RAPGEF3: variants seen among roughly 807,000 people sequenced by gnomAD.
RAPGEF3 encodes the protein Rap guanine nucleotide exchange factor 3.
In RAPGEF3, 103 loss-of-function variants were observed where a neutral mutation model predicts 129.8. That is an observed-to-expected ratio of 0.79 (90% confidence interval 0.68 to 0.93). The LOEUF (loss-of-function observed/expected upper bound fraction) is 0.93, where lower values mean the gene tolerates loss of function less well. Among genes scored for constraint, RAPGEF3 ranks in the 40% least tolerant of loss-of-function variants. The pLI, the probability that RAPGEF3 is intolerant of heterozygous loss-of-function variation, is 0.00. For synonymous variants in RAPGEF3, 436 were observed against 482.6 expected, an observed-to-expected ratio of 0.90 and a Z score of 1.26; for missense variants, 1,117 against 1,207.4, an observed-to-expected ratio of 0.93 and a Z score of 1.11.
rs199787084 is a variant in RAPGEF3 at position 47,751,461 on chromosome 12, T to G, written c.440A>C (p.His147Pro). 1.3e-5 allele frequency: 21 copies of G among 1,614,176 alleles called. No homozygotes were observed. The Admixed American group carries it at 2.3e-4, about 18-fold the overall frequency. Residue 147 changes from histidine (H) to proline (P), a missense_variant, in exon 5 of 28, where the codon CAT becomes CCT. Transcript: ENST00000449771. ...DGILALGLGV[H>P]SRSQVVGICQ... ...GATTCCCACAACTTGGCTCCGGGAA[T>G]GGACCCCAAGTCCCAGGGCCAAGAT...
chr12:47,739,696 C>T (rs1941025074), intron 23 of RAPGEF3: 1 of 365,852 alleles, frequency 2.7e-6, no homozygotes, highest in South Asian at 2.6e-5. Flanking sequence ...AGGTTCCACC[C>T]CCAACTCTAT....
At position 47,739,125 on chromosome 12, in the gene RAPGEF3, G is replaced by A. The variant is rs777287670; in HGVS notation, c.2461+18C>T. ...AGGAAGGGGGGAATGGAGGGATGGA[G>A]GCAGGAAGCCCTGTTACCTTTGAGA... On this transcript the variant is annotated intron_variant, in intron 24 of 27. Coordinates refer to ENST00000449771, the MANE Select transcript of RAPGEF3 (RefSeq NM_001098531.4). 13 of 1,559,882 alleles carry A rather than the reference G, an allele frequency of 8.3e-6. No individual in the cohort carries two copies. The South Asian group carries it at 1.1e-4, about 14-fold the overall frequency.
Position 47,748,446 on chromosome 12 carries a change from G to T in RAPGEF3, c.1243+8C>A. The stretch of plus-strand genomic sequence containing the variant: ...TCAGAAAGCAGGCAGGGTGTCTCTT[G>T]CCCTTACCTGTTGGGTCATGAGCAC... On this transcript the variant is annotated splice_region_variant and intron_variant, in intron 12 of 27. Transcript: ENST00000449771. 1.2e-6 allele frequency: 2 copies of T among 1,610,898 alleles called. No homozygotes were observed. The highest frequency in any genetic ancestry group is 1.7e-5 in the Admixed American group (1 of 59,968).
intron 19 of RAPGEF3, 141 bp from the exon 20 acceptor site, chr12:47,741,181 T>G: frequency 1.0e-5 from 11 of 1,071,094 alleles, no homozygotes; most frequent in Non-Finnish European, 1.5e-5. Context: ...AGAGGGTCTC[T>G]AGGGGCTATA....
Position 47,740,249 on chromosome 12 carries a change from C to T in RAPGEF3, c.2322+56G>A, listed in dbSNP as rs1941065428. On this transcript the variant is annotated intron_variant, in intron 22 of 27. Transcript: ENST00000449771. ...GGGGGAGGCCCAGCCCCATCCAGCA[C>T]TCCCAGGAGGGCCTGAGGCCTGACC... The T allele has an allele frequency of 2.5e-6, 4 of 1,612,146 alleles. No homozygotes were observed. The Admixed American group carries it at 6.7e-5, about 27-fold the overall frequency.
chr12:47,750,960 G>T, intron 6 of RAPGEF3, 88 bp downstream of exon 6: 1 of 1,524,596 alleles, frequency 6.6e-7, no homozygotes, highest in East Asian at 2.4e-5. Context: ...AACAGGTAAG[G>T]GATGCCCCCA....
At chr12:47,743,784 G>A (rs955426039) in intron 17 of RAPGEF3, 108 bp from the exon 18 acceptor site, 1 of 1,478,520 alleles carries the variant, frequency 6.8e-7, no homozygotes, top group Non-Finnish European at 9.2e-7. Context: ...AAGAGGCTGA[G>A]CTGCAGGTGG....
rs1385439198 is a variant in RAPGEF3 at position 47,747,750 on chromosome 12, T to C, written c.1435A>G (p.Met479Val). Residue 479 changes from methionine (M) to valine (V), a missense_variant, in exon 14 of 28, where the codon ATG becomes GTG. Physicochemically the swap from Met to Val is conservative, Grantham distance 21. Transcript: ENST00000449771. ...GTGGCCACAGGGTCAGTGTGGAGCATGGAGCCATACAGGGCCACCCACTGG... is the reference window on the plus strand; with the variant it reads ...GTGGCCACAGGGTCAGTGTGGAGCACGGAGCCATACAGGGCCACCCACTGG... ...VSQWVALYGSMLHTDPVATSF... is the reference protein window; with the variant it reads ...VSQWVALYGSVLHTDPVATSF... The C allele has an allele frequency of 1.2e-6, 2 of 1,609,658 alleles. No homozygotes were observed. Among genetic ancestry groups the C allele is most frequent in the Non-Finnish European group, 1.7e-6 (2 of 1,179,990 alleles).
intron 18 of RAPGEF3, among the ~76,000 whole-genome samples, chr12:47,742,716 C>G (rs146564206): frequency 6.6e-6 from 1 of 152,220 alleles, no homozygotes; most frequent in Non-Finnish European, 1.5e-5. Context: ...GATACAATTA[C>G]AGTCCTCATC....
At chr12:47,740,425 G>A (rs773182865) in intron 21 of RAPGEF3, 30 bp from the exon 22 acceptor site, 2 of 1,606,420 alleles carry the variant, frequency 1.2e-6, no homozygotes, top group Non-Finnish European at 1.7e-6. Context: ...AGACCCTCAG[G>A]GTAAGGGAAG....
chr12:47,751,589 GA>G, intron 4 of RAPGEF3, 69 bp from the exon 5 acceptor site: 2 of 1,605,840 alleles, frequency 1.2e-6, no homozygotes, highest in Non-Finnish European at 1.7e-6. Context: ...CTATGCATTA[GA>G]AAGGCACCCT....
Position 47,753,047 on chromosome 12 carries a change from G to A in RAPGEF3, c.220-1078C>T, listed in dbSNP as rs1046351652. On this transcript the variant is annotated intron_variant, in intron 2 of 27. Coordinates refer to ENST00000449771, the MANE Select transcript of RAPGEF3 (RefSeq NM_001098531.4). ...CTGGACAGGATGCTCTACCATCTACGAGCCCTCTCAAAGGGCTCACTTTAC... is the reference window on the plus strand; with the variant it reads ...CTGGACAGGATGCTCTACCATCTACAAGCCCTCTCAAAGGGCTCACTTTAC... 2.6e-5 allele frequency among the ~76,000 whole-genome samples: 4 copies of A among 152,110 alleles called. No individual in the cohort carries two copies. The South Asian group carries it at 6.2e-4, about 24-fold the overall frequency.
At position 47,740,190 on chromosome 12, in the gene RAPGEF3, C is replaced by A; in HGVS notation, c.2324G>T (p.Arg775Leu). 6.2e-7 allele frequency: 1 copy of A among 1,613,776 alleles called. No individual in the cohort carries two copies. The highest frequency in any genetic ancestry group is 8.5e-7 in the Non-Finnish European group (1 of 1,179,936). ...CAGCTTCCGGACTTTGTGAGGCAGC[C>A]GCTGTGAAAAGGAGGCAGATGAGCG... ...AISRLAHTWERLPHKVRKLYS... is the reference protein window; with the variant it reads ...AISRLAHTWELLPHKVRKLYS... The change falls in exon 23 of 28, where the codon CGG (arginine) becomes CTG (leucine). Residue 775 changes from arginine (R) to leucine (L), a missense_variant and splice_region_variant. Coordinates refer to ENST00000449771, the MANE Select transcript of RAPGEF3 (RefSeq NM_001098531.4).
chr12:47,748,249 AC>A (rs905181946), intron 12 of RAPGEF3, 97 bp from the exon 13 acceptor site: 2 of 1,111,280 alleles, frequency 1.8e-6, no homozygotes, highest in Non-Finnish European at 2.6e-6. Context: ...CCCACATCCC[AC>A]CACCTGCAAG....
chr12:47,739,652 A>C, intron 23 of RAPGEF3: 6 of 368,176 alleles, frequency 1.6e-5, no homozygotes, highest in South Asian at 1.6e-4. Context: ...AATAGTCAAA[A>C]CCCTCAAAAT....
intron 16 of RAPGEF3, chr12:47,744,301 G>C: frequency 1.8e-6 from 1 of 565,546 alleles, no homozygotes; most frequent in Non-Finnish European, 3.2e-6. Context: ...CCCTCCGTGT[G>C]TGTGTGCTTC....
Position 47,738,050 on chromosome 12 carries a change from C to T in RAPGEF3, c.2625G>A (p.Glu875=). 6.2e-7 allele frequency: 1 copy of T among 1,614,138 alleles called. No individual in the cohort carries two copies. The highest frequency in any genetic ancestry group is 1.7e-5 in the Admixed American group (1 of 60,030). The change falls in exon 27 of 28, where the codon GAG becomes GAA. Residue 875 remains glutamate (E), a synonymous_variant. Coordinates refer to ENST00000449771, the MANE Select transcript of RAPGEF3 (RefSeq NM_001098531.4). ...TGGAAATCCTCGCCACCTGGCTGTC[C>T]TCGTGGAGGTGGGAAACTCGGCTTC... ...PLRSRVSHLH[E]DSQVARISTC...
In RAPGEF3 at chr12:47,743,757, T is replaced by C. The variant is rs534864121; in HGVS notation, c.1679-81A>G. On this transcript the variant is annotated intron_variant, in intron 17 of 27. Coordinates refer to ENST00000449771, the MANE Select transcript of RAPGEF3 (RefSeq NM_001098531.4). Reference sequence around the variant, plus strand: ...AGGGAGAGGGCGGCTATTGCAGTAATGGTGGGAGGGATCCCCAAGAGGCTG... The same window carrying C: ...AGGGAGAGGGCGGCTATTGCAGTAACGGTGGGAGGGATCCCCAAGAGGCTG... 6.4e-5 allele frequency: 99 copies of C among 1,538,712 alleles called. No individual in the cohort carries two copies. The South Asian group carries it at 1.2e-3, about 18-fold the overall frequency.
Position 47,749,585 on chromosome 12 carries a change from C to A in RAPGEF3, c.895-49G>T, listed in dbSNP as rs768277238. The A allele has an allele frequency of 6.4e-7, 1 of 1,558,608 alleles. No homozygotes were observed. ...CCCGCCCCTGCCGCCCCTGCCGCCC[C>A]CAGCTCTTGCCAGGACAGACCCACG... On this transcript the variant is annotated intron_variant, in intron 9 of 27. Transcript: ENST00000449771. This position sits in a 1 kb window ranked among gnomAD's most constrained non-coding sequence, Gnocchi z 4.5.
Sources: gnomAD v4.1 joint callset for allele counts (sites outside exome capture counted in the v4.1 genomes callset) on GRCh38, gnomAD v4.1.1 for gene constraint, Gnocchi (gnomAD v3.1) non-coding constraint, MANE v1.5 for transcripts, NCBI Gene and HGNC (gene_info 2026-07-23, HGNC 2026-07-21) for gene names.